Variants in EPHA5 observed in about 807,000 individuals in gnomAD.
EPHA5 encodes the protein EPH receptor A5.
Under a neutral mutation model 105.0 loss-of-function variants are expected in EPHA5, and 60 were observed. The ratio of observed to expected loss-of-function variants is 0.57; its 90% CI spans 0.46 to 0.71. The LOEUF (loss-of-function observed/expected upper bound fraction) is 0.71. Among genes scored for constraint, EPHA5 ranks in the 30% least tolerant of loss-of-function variants. The probability of loss-of-function intolerance (pLI) is 0.00; values close to 1 mark genes in which losing one functional copy is unlikely to be tolerated. For synonymous variants in EPHA5, 513 were observed against 449.1 expected (o/e 1.14, Z -1.80); for missense variants, 1,218 against 1,274.7 (o/e 0.96, Z 0.68).
chr4:65,336,539 C>A (rs930215052), intron 14 of EPHA5, among the ~76,000 whole-genome samples: 1 of 151,986 alleles, frequency 6.6e-6, no homozygotes, highest in African/African-American at 2.4e-5. Flanking sequence ...TGTGCACAGC[C>A]ACATTTTTAA....
At chr4:65,423,667 C>T in intron 5 of EPHA5, among the ~76,000 whole-genome samples, 1 of 139,818 alleles carries the variant, frequency 7.2e-6, no homozygotes, top group African/African-American at 2.8e-5. Context: ...ATGGGTTTGT[C>T]TGTTTTTTTT....
intron 3 of EPHA5, among the ~76,000 whole-genome samples, chr4:65,514,994 G>T (rs1230893384): frequency 6.6e-6 from 1 of 151,948 alleles, no homozygotes; most frequent in African/African-American, 2.4e-5. Context: ...ATCAATAGCT[G>T]CAAACTCCAC....
At chr4:65,663,455 CT>C (rs1378941019) in intron 1 of EPHA5, among the ~76,000 whole-genome samples, 1 of 151,422 alleles carries the variant, frequency 6.6e-6, no homozygotes, top group Non-Finnish European at 1.5e-5. Flanking sequence ...AAAATTTGAG[CT>C]TTTAGGGAAA....
intron 1 of EPHA5, among the ~76,000 whole-genome samples, chr4:65,646,050 A>T (rs528044283): frequency 6.6e-6 from 1 of 152,198 alleles, no homozygotes; most frequent in Non-Finnish European, 1.5e-5. Flanking sequence ...CTCAGAGAAA[A>T]TAACTAAAAT....
chr4:65,335,784 T>G, intron 15 of EPHA5, 148 bp downstream of exon 15: 2 of 677,638 alleles, frequency 3.0e-6, no homozygotes, highest in Non-Finnish European at 4.6e-6. Flanking sequence ...TGTAAGAGAG[T>G]AGCATGCAAA....
rs570510300 is a variant in EPHA5 at position 65,482,552 on chromosome 4, G to A, written c.1402+7825C>T. On this transcript the variant is annotated intron_variant, in intron 5 of 16. Transcript: ENST00000613740. ...ACACGGATCTCATAATAGGTAGCAGGATATGAATGGTAAAAAACACAGTAC... is the reference window on the plus strand; with the variant it reads ...ACACGGATCTCATAATAGGTAGCAGAATATGAATGGTAAAAAACACAGTAC... Among the ~76,000 whole-genome samples, 16 of 152,156 alleles carry A rather than the reference G, an allele frequency of 1.1e-4. No homozygotes were observed. In the South Asian group the frequency reaches 2.9e-3, roughly 28 times the overall value.
intron 8 of EPHA5, among the ~76,000 whole-genome samples, chr4:65,373,881 A>G (rs1718733646): frequency 6.6e-6 from 1 of 150,596 alleles, no homozygotes; most frequent in Non-Finnish European, 1.5e-5. Context: ...GAATGAAGAA[A>G]ATAATCTGAC....
chr4:65,419,168 G>C (rs1723696687), intron 6 of EPHA5, among the ~76,000 whole-genome samples: 1 of 151,880 alleles, frequency 6.6e-6, no homozygotes, highest in Non-Finnish European at 1.5e-5. Context: ...ACAGGCATGA[G>C]CCACCGCACC....
chr4:65,529,697 T>G (rs1296287918), intron 3 of EPHA5, among the ~76,000 whole-genome samples: 1 of 152,142 alleles, frequency 6.6e-6, no homozygotes, highest in Non-Finnish European at 1.5e-5. Context: ...ATAAGTGTGC[T>G]TGCATATATG....
chr4:65,591,140 T>C (rs1199045034), intron 3 of EPHA5, among the ~76,000 whole-genome samples: 4 of 152,112 alleles, frequency 2.6e-5, no homozygotes, highest in Non-Finnish European at 5.9e-5. Flanking sequence ...AAAGTAAATA[T>C]ATTATTATCC....
chr4:65,500,833 A>G (rs1732414453), intron 3 of EPHA5, among the ~76,000 whole-genome samples: 2 of 150,944 alleles, frequency 1.3e-5, no homozygotes, highest in Admixed American at 1.3e-4. Context: ...GTATATATAT[A>G]TATATATGCA....
At chr4:65,352,633 G>T (rs1426294835) in intron 12 of EPHA5, among the ~76,000 whole-genome samples, 1 of 151,872 alleles carries the variant, frequency 6.6e-6, no homozygotes, top group African/African-American at 2.4e-5. Context: ...CTTTATTAAT[G>T]ACTTGCCTGG....
At chr4:65,523,115 G>A (rs940665464) in intron 3 of EPHA5, among the ~76,000 whole-genome samples, 15 of 151,638 alleles carry the variant, frequency 9.9e-5, no homozygotes, top group Non-Finnish European at 1.8e-4. Context: ...AGACCAAAAC[G>A]ATATATATTA....
chr4:65,644,224 A>G (rs775459265), intron 1 of EPHA5, among the ~76,000 whole-genome samples: 1 of 151,762 alleles, frequency 6.6e-6, no homozygotes, highest in Admixed American at 6.6e-5. Context: ...ACACACCCCC[A>G]TGCACACACA....
At chr4:65,549,116 T>A (rs1737652129) in intron 3 of EPHA5, among the ~76,000 whole-genome samples, 1 of 152,002 alleles carries the variant, frequency 6.6e-6, no homozygotes, top group African/African-American at 2.4e-5. Flanking sequence ...AAGAGCAACA[T>A]AAATGCAAAC....
At chr4:65,531,183 G>A (rs1387034660) in intron 3 of EPHA5, among the ~76,000 whole-genome samples, 8 of 150,432 alleles carry the variant, frequency 5.3e-5, no homozygotes, top group South Asian at 2.1e-4. Flanking sequence ...GACTACAGGC[G>A]CCCGCCACCG....
chr4:65,496,187 T>A (rs1200974566), intron 3 of EPHA5, among the ~76,000 whole-genome samples: 1 of 152,092 alleles, frequency 6.6e-6, no homozygotes, highest in Non-Finnish European at 1.5e-5. Context: ...GTAAGGCTTA[T>A]TTACTATACA....
At position 65,365,689 on chromosome 4, in the gene EPHA5, A is replaced by ATATT. The variant is rs765636669; in HGVS notation, c.1987+242_1987+243insAATA. On this transcript the variant is annotated intron_variant, in intron 10 of 16. Coordinates refer to ENST00000613740, the MANE Select transcript of EPHA5 (RefSeq NM_001281766.3). ...TATATATATATATATATATATATATAGTGAAACATTATCTATTTAAAATAT... is the reference window on the plus strand; with the variant it reads ...TATATATATATATATATATATATATATATTGTGAAACATTATCTATTTAAAATAT... Among the ~76,000 whole-genome samples the ATATT allele has an allele frequency of 3.1e-3, 292 of 93,806 alleles. 25 individuals are homozygous for ATATT. Among genetic ancestry groups the ATATT allele is most frequent in the East Asian group, 0.015 (39 of 2,668 alleles). 61.5% of individuals were successfully genotyped at this position (93,806 alleles called of 152,430 possible).
chr4:65,554,696 T>C lies in EPHA5; in HGVS notation c.910+46945A>G, dbSNP rs542737172. ...CAATGAATGTCTCCATCATTAAACA[T>C]CTTTTCATGTTAAATGTTTTTACTC... On this transcript the variant is annotated intron_variant, in intron 3 of 16. Coordinates refer to ENST00000613740, the MANE Select transcript of EPHA5 (RefSeq NM_001281766.3). Among the ~76,000 whole-genome samples the C allele has an allele frequency of 2.0e-5, 3 of 152,018 alleles. No homozygotes were observed. In the East Asian group the frequency reaches 5.8e-4, roughly 29 times the overall value.
Sources: allele counts gnomAD v4.1 joint callset (sites outside exome capture counted in the v4.1 genomes callset), GRCh38; gene constraint gnomAD v4.1.1; transcripts MANE v1.5; gene names NCBI Gene and HGNC (gene_info 2026-07-23, HGNC 2026-07-21).